PCDHGB1: variants seen among roughly 807,000 people sequenced by gnomAD.
The protein encoded by PCDHGB1 is protocadherin gamma subfamily B, 1.
Under a neutral mutation model 56.6 loss-of-function variants are expected in PCDHGB1, and 34 were observed. The ratio of observed to expected loss-of-function variants is 0.60; its 90% CI spans 0.46 to 0.80. The LOEUF is 0.80. Among genes scored for constraint, PCDHGB1 ranks in the 30% least tolerant of loss-of-function variants. The pLI, the probability that PCDHGB1 is intolerant of heterozygous loss-of-function variation, is 0.00. For synonymous variants in PCDHGB1, 561 were observed against 505.9 expected (o/e 1.11, Z -1.46); for missense variants, 1,278 against 1,204.6 (o/e 1.06, Z -0.90).
At chr5:141,375,170 G>A in intron 1 of PCDHGB1, 2 of 1,613,964 alleles carry the variant, frequency 1.2e-6, no homozygotes, top group Admixed American at 1.7e-5. Context: ...TGCACCTCCA[G>A]GAACAGTAAT....
At position 141,487,505 on chromosome 5, in the gene PCDHGB1, G is replaced by GTA; in HGVS notation, c.2410-7302_2410-7301insTA. The GTA allele has an allele frequency of 1.2e-6, 2 of 1,614,200 alleles. No homozygotes were observed. The highest frequency in any genetic ancestry group is 1.7e-6 in the Non-Finnish European group (2 of 1,180,032). ...TCATGGCTGTACACCCTTGGCTTCTGCACCCACTCGGAGTGATAGCTTCAT... is the reference window on the plus strand; with the variant it reads ...TCATGGCTGTACACCCTTGGCTTCTGTACACCCACTCGGAGTGATAGCTTCAT... On this transcript the variant is annotated intron_variant, in intron 1 of 3. Coordinates refer to ENST00000523390, the MANE Select transcript of PCDHGB1 (RefSeq NM_018922.3). This position sits in a 1 kb window ranked among gnomAD's most constrained non-coding sequence, Gnocchi z 5.0.
At chr5:141,434,136 TC>T (rs2097674430) in intron 1 of PCDHGB1, among the ~76,000 whole-genome samples, 1 of 152,246 alleles carries the variant, frequency 6.6e-6, no homozygotes, top group Non-Finnish European at 1.5e-5. Context: ...TAGGCTGATT[TC>T]TATGTCCTTT....
In PCDHGB1 at chr5:141,357,431, A is replaced by G. The variant is rs780395182; in HGVS notation, c.2409+4762A>G. 15 of 1,614,198 alleles carry G rather than the reference A, an allele frequency of 9.3e-6. No homozygotes were observed. Among genetic ancestry groups the G allele is most frequent in the Non-Finnish European group, 1.2e-5 (14 of 1,180,042 alleles). On this transcript the variant is annotated intron_variant, in intron 1 of 3. Transcript: ENST00000523390. The stretch of plus-strand genomic sequence containing the variant: ...CCTGCCTCGCACTTTGTGGGCGTGG[A>G]CGGGGTTCGGGCTTTCCTGCAGACC...
chr5:141,376,562 C>A, intron 1 of PCDHGB1: 1 of 1,608,850 alleles, frequency 6.2e-7, no homozygotes, highest in Non-Finnish European at 8.5e-7. Context: ...CGCAACCCAA[C>A]TAATCAGACA....
chr5:141,394,073 C>T (rs762892708), intron 1 of PCDHGB1: 14 of 1,613,718 alleles, frequency 8.7e-6, no homozygotes, highest in Non-Finnish European at 1.1e-5. Flanking sequence ...TCTACAATAT[C>T]ACAGTGATGG....
At chr5:141,445,751 G>A (rs1211416281) in intron 1 of PCDHGB1, among the ~76,000 whole-genome samples, 1 of 152,102 alleles carries the variant, frequency 6.6e-6, no homozygotes, top group East Asian at 1.9e-4. Context: ...AAAAATAAAA[G>A]GTGTGACTCA....
intron 1 of PCDHGB1, chr5:141,388,620 G>A (rs2091421768): frequency 6.2e-7 from 1 of 1,613,912 alleles, no homozygotes; most frequent in East Asian, 2.2e-5. Flanking sequence ...CAGTCAAGAC[G>A]TATACAGGGT....
intron 1 of PCDHGB1, among the ~76,000 whole-genome samples, chr5:141,483,272 A>T (rs545719861): frequency 4.4e-4 from 67 of 152,196 alleles, no homozygotes; most frequent in African/African-American, 1.4e-3. Flanking sequence ...TGTTTTAGAA[A>T]TATTATTCTG....
chr5:141,405,459 A>G (rs553327050), intron 1 of PCDHGB1: 1 of 1,229,452 alleles, frequency 8.1e-7, no homozygotes, highest in African/African-American at 1.5e-5. Context: ...TTACTCTGTT[A>G]CCCAGGCTGG....
In PCDHGB1 at chr5:141,488,647, T is replaced by TG. The variant is rs535492979; in HGVS notation, c.2410-6155dup. ...CTCACCTTAGCAGCATTCAGCAGGA[T>TG]GGGGGAGGGTGGGGGAATACATGGG... On this transcript the variant is annotated intron_variant, in intron 1 of 3. Transcript: ENST00000523390. Among the ~76,000 whole-genome samples, 173 of 152,088 alleles carry TG rather than the reference T, an allele frequency of 1.1e-3. 1 individual carries two copies. Among genetic ancestry groups the TG allele is most frequent in the African/African-American group, 3.9e-3 (160 of 41,492 alleles).
chr5:141,388,225 T>C, intron 1 of PCDHGB1: 1 of 1,604,858 alleles, frequency 6.2e-7, no homozygotes, highest in Non-Finnish European at 8.5e-7. Flanking sequence ...GAAAATCCAC[T>C]GAACTTTTAT....
Position 141,489,601 on chromosome 5 carries a change from G to A in PCDHGB1, c.2410-5206G>A. On this transcript the variant is annotated intron_variant, in intron 1 of 3. Transcript: ENST00000523390. This position sits in a 1 kb window ranked among gnomAD's most constrained non-coding sequence, Gnocchi z 4.5. ...CCCCCTGGAGCTAATCCGTGTAGAG[G>A]TAGAGATCCTGGATCTCAATGACAA... 2 of 1,614,042 alleles carry A rather than the reference G, an allele frequency of 1.2e-6. No individual in the cohort carries two copies. Among genetic ancestry groups the A allele is most frequent in the East Asian group, 4.5e-5 (2 of 44,882 alleles).
At chr5:141,365,015 C>A (rs773470378) in intron 1 of PCDHGB1, 2 of 1,613,904 alleles carry the variant, frequency 1.2e-6, no homozygotes, top group South Asian at 2.2e-5. Context: ...CACGCACATC[C>A]GTGTTACGGT....
At chr5:141,408,286 C>G (rs751845459) in intron 1 of PCDHGB1, 81 of 1,613,074 alleles carry the variant, frequency 5.0e-5, no homozygotes, top group Non-Finnish European at 6.3e-5. Context: ...TCTACCCCAC[C>G]CTGAGTGAGC....
intron 1 of PCDHGB1, chr5:141,361,391 A>G: frequency 6.2e-7 from 1 of 1,613,912 alleles, no homozygotes; most frequent in Non-Finnish European, 8.5e-7. Context: ...CCAGAATACA[A>G]TCTCACCATC....
At chr5:141,412,216 T>C (rs1247540521) in intron 1 of PCDHGB1, 1 of 152,244 alleles carries the variant, frequency 6.6e-6, no homozygotes, top group East Asian at 1.9e-4. Context: ...ACATAAACAC[T>C]TACTTGTTAA....
Position 141,476,263 on chromosome 5 carries a change from C to T in PCDHGB1, c.2410-18544C>T. 1 of 1,613,940 alleles carries T rather than the reference C, an allele frequency of 6.2e-7. No individual in the cohort carries two copies. The highest frequency in any genetic ancestry group is 8.5e-7 in the Non-Finnish European group (1 of 1,180,010). Reference sequence around the variant, plus strand: ...GAGAGAAGGGTTTCGCTGTGGGCAACGTGGTCGCGAACCTTGGTTTGGATC... The same window carrying T: ...GAGAGAAGGGTTTCGCTGTGGGCAATGTGGTCGCGAACCTTGGTTTGGATC... On this transcript the variant is annotated intron_variant, in intron 1 of 3. Transcript: ENST00000523390. The surrounding 1 kb of genome is among the most constrained non-coding windows in gnomAD (Gnocchi z 7.6).
chr5:141,422,546 G>T, intron 1 of PCDHGB1: 2 of 1,613,972 alleles, frequency 1.2e-6, no homozygotes, highest in South Asian at 2.2e-5. Flanking sequence ...ACTCATGTCT[G>T]GCTGAATGTG....
In PCDHGB1 at chr5:141,351,133, T is replaced by C; in HGVS notation, c.873T>C (p.Asn291=). The C allele has an allele frequency of 1.2e-6, 2 of 1,614,002 alleles. No individual in the cohort carries two copies. The highest frequency in any genetic ancestry group is 1.7e-6 in the Non-Finnish European group (2 of 1,179,890). Residue 291 remains asparagine (N), a synonymous_variant, in exon 1 of 4, where the codon AAT becomes AAC. Coordinates refer to ENST00000523390, the MANE Select transcript of PCDHGB1 (RefSeq NM_018922.3). ...TAAGTACCAGCCTCTTCAATCTCAA[T>C]CCAAATACTGGCGACATCACAACCA... ...SPISTSLFNL[N]PNTGDITTNG...
Sources: gnomAD v4.1 joint callset for allele counts (sites outside exome capture counted in the v4.1 genomes callset) on GRCh38, gnomAD v4.1.1 for gene constraint, Gnocchi (gnomAD v3.1) non-coding constraint, MANE v1.5 for transcripts, NCBI Gene and HGNC (gene_info 2026-07-23, HGNC 2026-07-21) for gene names.